ADAM9: variants seen among roughly 807,000 people sequenced by gnomAD.
ADAM9 encodes the protein disintegrin and metalloproteinase domain-containing protein 9.
ADAM9 carries 54 observed loss-of-function variants against 108.1 expected under a neutral mutation model. The observed-to-expected ratio is 0.50, with a 90% CI of 0.40 to 0.63. The LOEUF (loss-of-function observed/expected upper bound fraction) is 0.63. Ranked by LOEUF, ADAM9 falls within the 20% of genes least tolerant of loss-of-function variation. The probability of loss-of-function intolerance (pLI) is 0.00; values close to 1 mark genes in which losing one functional copy is unlikely to be tolerated. For missense variants in ADAM9, 830 were observed against 997.7 expected, an observed-to-expected ratio of 0.83 and a Z score of 2.26; for synonymous variants, 316 against 336.0, an observed-to-expected ratio of 0.94 and a Z score of 0.65.
intron 15 of ADAM9, chr8:39,075,787 T>A (rs1205436255): frequency 6.6e-6 from 1 of 152,230 alleles, no homozygotes; most frequent in African/African-American, 2.4e-5. Flanking sequence ...TGCTACACTT[T>A]GTTTTTGAGG....
Position 39,077,241 on chromosome 8 carries a change from G to A in ADAM9, c.1711G>A (p.Gly571Arg). The part of the protein sequence containing the change: ...KKCATGNALC[G>R]KLQCENVQEI... ...CTCTCTTTATAGGAATGCTTTGTGTGGAAAGCTTCAGTGTGAGAATGTACA... is the reference window on the plus strand; with the variant it reads ...CTCTCTTTATAGGAATGCTTTGTGTAGAAAGCTTCAGTGTGAGAATGTACA... The change falls in exon 16 of 22, where the codon GGA becomes AGA. Residue 571 changes from glycine (G) to arginine (R), a missense_variant. Around this residue, in one of 3 missense-constraint regions of ADAM9, gnomAD observed 381 missense variants for 539.8 expected, o/e 0.71. Coordinates refer to ENST00000487273, the MANE Select transcript of ADAM9 (RefSeq NM_003816.3). 1 of 1,613,962 alleles carries A rather than the reference G, an allele frequency of 6.2e-7. No individual in the cohort carries two copies. The highest frequency in any genetic ancestry group is 8.5e-7 in the Non-Finnish European group (1 of 1,179,922).
At chr8:39,022,815 G>A (rs1316496331) in intron 8 of ADAM9, among the ~76,000 whole-genome samples, 1 of 152,058 alleles carries the variant, frequency 6.6e-6, no homozygotes, top group Non-Finnish European at 1.5e-5. Context: ...CCAGGTTCAA[G>A]CGATTCTCCT....
intron 13 of ADAM9, 46 bp downstream of exon 13, chr8:39,054,619 A>AAG: frequency 2.0e-6 from 3 of 1,514,986 alleles, no homozygotes; most frequent in African/African-American, 1.4e-5. Context: ...AAAAAAAAAA[A>AAG]AAAGAAAACC....
chr8:39,091,784 G>C (rs1030870709), intron 20 of ADAM9, among the ~76,000 whole-genome samples: 9 of 152,186 alleles, frequency 5.9e-5, no homozygotes, highest in African/African-American at 2.2e-4. Flanking sequence ...ACTGTGCCCT[G>C]CCCCCTGAGT....
At chr8:39,071,430 A>C in intron 15 of ADAM9, 27 bp downstream of exon 15, 2 of 1,469,404 alleles carry the variant, frequency 1.4e-6, no homozygotes, top group Non-Finnish European at 1.9e-6. Context: ...TCATAATGGA[A>C]TATGAAAGAT....
chr8:39,035,644 C>T (rs897373742), intron 11 of ADAM9, among the ~76,000 whole-genome samples: 24 of 152,190 alleles, frequency 1.6e-4, no homozygotes, highest in Admixed American at 5.2e-4. Flanking sequence ...CGTGAAACCC[C>T]GTCTCTGCTA....
At chr8:39,005,048 C>T (rs556274837) in intron 1 of ADAM9, among the ~76,000 whole-genome samples, 34 of 152,310 alleles carry the variant, frequency 2.2e-4, no homozygotes, top group African/African-American at 7.5e-4. Context: ...TATCCAGCCT[C>T]TATTCAAGTT....
intron 9 of ADAM9, 27 bp downstream of exon 9, chr8:39,023,352 TAATGA>T: frequency 1.3e-6 from 2 of 1,577,868 alleles, no homozygotes; most frequent in East Asian, 2.3e-5. Flanking sequence ...TAAGTACTAT[TAATGA>T]AATAATCAAA....
At chr8:39,095,032 T>C (rs867842755) in intron 20 of ADAM9, among the ~76,000 whole-genome samples, 7 of 152,186 alleles carry the variant, frequency 4.6e-5, no homozygotes, top group African/African-American at 9.7e-5. Context: ...TAGGCACTTA[T>C]TGGTATAGAC....
chr8:39,053,412 G>A (rs972387849), intron 12 of ADAM9, among the ~76,000 whole-genome samples: 1 of 152,024 alleles, frequency 6.6e-6, no homozygotes, highest in African/African-American at 2.4e-5. Flanking sequence ...AGTTGCAAAG[G>A]TTTTCTCCTA....
At chr8:39,076,465 T>C (rs1230592742) in intron 15 of ADAM9, among the ~76,000 whole-genome samples, 1 of 151,810 alleles carries the variant, frequency 6.6e-6, no homozygotes, top group Non-Finnish European at 1.5e-5. Context: ...TTCAGGAGGG[T>C]GTAAATTAGA....
In ADAM9 at chr8:39,027,909, A is replaced by T. The variant is rs150867806; in HGVS notation, c.1130+1099A>T. 2.2e-3 allele frequency among the ~76,000 whole-genome samples: 339 copies of T among 152,148 alleles called. 2 individuals are homozygous for T. Among genetic ancestry groups the T allele is most frequent in the Middle Eastern group, 6.8e-3 (2 of 294 alleles). On this transcript the variant is annotated intron_variant, in intron 11 of 21. Transcript: ENST00000487273. The stretch of plus-strand genomic sequence containing the variant: ...CACGGTGAGACCCTGTCTCTAAAAA[A>T]AAATAAATAAATAAATAAAAAATAA...
In ADAM9 at chr8:38,996,976, CTTGGGGCCCCGGCAGGG is replaced by C; in HGVS notation, c.-83_-67del. 1 of 1,529,850 alleles carries C rather than the reference CTTGGGGCCCCGGCAGGG, an allele frequency of 6.5e-7. No homozygotes were observed. Among genetic ancestry groups the C allele is most frequent in the Non-Finnish European group, 8.8e-7 (1 of 1,138,500 alleles). The allele number at this position is 1,529,850 out of a possible 1,614,324, so 94.8% of individuals were successfully genotyped here. ...CGGGCGCGCGCGCTTCCCGGCCAGA[CTTGGGGCCCCGGCAGGG>C]TTGGAAAATGATGGAAGAGGCGGAG... On this transcript the variant is annotated 5_prime_UTR_variant, in exon 1 of 22. Coordinates refer to ENST00000487273, the MANE Select transcript of ADAM9 (RefSeq NM_003816.3).
intron 20 of ADAM9, among the ~76,000 whole-genome samples, chr8:39,099,965 T>A (rs572746568): frequency 7.1e-6 from 1 of 140,858 alleles, no homozygotes; most frequent in South Asian, 2.4e-4. Context: ...TTGCAACCAC[T>A]GCCTCTCGGG....
At chr8:39,067,532 C>A (rs1477211086) in intron 14 of ADAM9, among the ~76,000 whole-genome samples, 3 of 152,172 alleles carry the variant, frequency 2.0e-5, no homozygotes, top group Non-Finnish European at 2.9e-5. Context: ...TGGGAGTTCA[C>A]TTATGATTTG....
intron 11 of ADAM9, among the ~76,000 whole-genome samples, chr8:39,029,131 G>GTTT (rs35682054): frequency 7.7e-5 from 11 of 142,544 alleles, no homozygotes; most frequent in Non-Finnish European, 1.1e-4. Context: ...TGTTGTTGTT[G>GTTT]TTTTTTTTTT....
At chr8:39,091,006 T>C (rs1839336390) in intron 19 of ADAM9, among the ~76,000 whole-genome samples, 1 of 152,238 alleles carries the variant, frequency 6.6e-6, no homozygotes, top group African/African-American at 2.4e-5. Context: ...TTGGCCTAAT[T>C]GACCAAATTT....
Position 39,104,819 on chromosome 8 carries a change from T to C in ADAM9, c.*1119T>C, listed in dbSNP as rs1802884. 2.2e-6 allele frequency: 1 copy of C among 453,684 alleles called. No individual in the cohort carries two copies. Among genetic ancestry groups the C allele is most frequent in the Non-Finnish European group, 4.4e-6 (1 of 226,614 alleles). The allele number at this position is 453,684 out of a possible 1,614,324, so 28.1% of individuals were successfully genotyped here. A position where few individuals can be genotyped will look rare whatever the true frequency, so the allele number is the denominator to read the frequency against. On this transcript the variant is annotated 3_prime_UTR_variant, in exon 22 of 22. Transcript: ENST00000487273. ...CTGTGTTAAAAATGAATTTTTACTA[T>C]GGCAGATATGGTATGGATCGTAAAA...
chr8:39,088,421 AT>A (rs1304486683), intron 18 of ADAM9, among the ~76,000 whole-genome samples: 1 of 150,878 alleles, frequency 6.6e-6, no homozygotes, highest in Non-Finnish European at 1.5e-5. Flanking sequence ...CGCCCAGCTA[AT>A]TTTTTTTTGT....
Sources: gnomAD v4.1 joint callset for allele counts (sites outside exome capture counted in the v4.1 genomes callset) on GRCh38, gnomAD v4.1.1 for gene constraint, gnomAD v4.1.1 regional missense constraint, MANE v1.5 for transcripts, NCBI Gene and HGNC (gene_info 2026-07-23, HGNC 2026-07-21) for gene names.